Variants in PALD1 observed in about 807,000 individuals in gnomAD.
PALD1 encodes the protein paladin.
A neutral mutation model predicts 96.0 loss-of-function variants in PALD1; 57 were observed. The ratio of observed to expected loss-of-function variants is 0.59; its 90% CI spans 0.48 to 0.74. PALD1 has a LOEUF of 0.74. PALD1 is among the 30% of genes least tolerant of loss of function. The pLI, the probability that PALD1 is intolerant of heterozygous loss-of-function variation, is 0.00. For synonymous variants in PALD1, 464 were observed against 473.6 expected (o/e 0.98, Z 0.26); for missense variants, 1,063 against 1,143.7 (o/e 0.93, Z 1.02).
intron 1 of PALD1, among the ~76,000 whole-genome samples, chr10:70,506,319 T>C (rs10762388): frequency 0.51 from 78,064 of 151,990 alleles, 20,911 homozygotes; most frequent in East Asian, 0.66. Context: ...TTCACCCCCT[T>C]CATGGCTTTT....
At chr10:70,541,572 A>G (rs1350868957) in intron 17 of PALD1, 38 bp downstream of exon 17, 23 of 1,516,558 alleles carry the variant, frequency 1.5e-5, no homozygotes, top group Non-Finnish European at 2.0e-5. Flanking sequence ...GCACCTTGGG[A>G]TGGGAGGAGG....
chr10:70,562,566 T>C (rs945794452), intron 18 of PALD1, among the ~76,000 whole-genome samples: 1 of 152,198 alleles, frequency 6.6e-6, no homozygotes, highest in Non-Finnish European at 1.5e-5. Flanking sequence ...GAGCAGCCCT[T>C]TCCGGCTCCC....
intron 1 of PALD1, among the ~76,000 whole-genome samples, chr10:70,514,131 G>A (rs370282497): frequency 2.0e-5 from 3 of 152,186 alleles, no homozygotes; most frequent in East Asian, 1.9e-4. Context: ...CGGGCCGTCC[G>A]GTCATTCTGT....
chr10:70,492,236 T>C (rs1846110587), intron 1 of PALD1, among the ~76,000 whole-genome samples: 1 of 152,130 alleles, frequency 6.6e-6, no homozygotes, highest in African/African-American at 2.4e-5. Context: ...CATTAAGTCA[T>C]ATACAGACGG....
At chr10:70,565,118 C>T (rs1847817807) in intron 19 of PALD1, among the ~76,000 whole-genome samples, 1 of 152,216 alleles carries the variant, frequency 6.6e-6, no homozygotes, top group Non-Finnish European at 1.5e-5. Context: ...CTGTACTAGG[C>T]AGGTCTAGCA....
chr10:70,478,269 G>C (rs921315794), upstream of PALD1, among the ~76,000 whole-genome samples: 1 of 152,214 alleles, frequency 6.6e-6, no homozygotes, highest in Non-Finnish European at 1.5e-5. Context: ...CAAAAGTGCA[G>C]AGCGCACCAT....
chr10:70,541,627 C>T, intron 17 of PALD1, 93 bp downstream of exon 17: 1 of 870,296 alleles, frequency 1.1e-6, no homozygotes. Context: ...AAAGCACGTC[C>T]CAATGCAGTC....
At chr10:70,478,704 C>G (rs1304133261), upstream of PALD1, 1 of 151,950 alleles carries the variant, frequency 6.6e-6, no homozygotes, top group East Asian at 1.9e-4. Context: ...GCGGTGGGGC[C>G]GGGACTCGCG....
chr10:70,518,926 A>C (rs912602935), intron 1 of PALD1, among the ~76,000 whole-genome samples: 4 of 152,152 alleles, frequency 2.6e-5, no homozygotes, highest in South Asian at 2.1e-4. Flanking sequence ...TGTTCACAAC[A>C]CAGTCTTCCT....
the PALD1 span, among the ~76,000 whole-genome samples, chr10:70,468,410 ATT>A: frequency 6.6e-6 from 1 of 151,764 alleles, no homozygotes; most frequent in Admixed American, 6.6e-5. Context: ...TGCCCAGCTA[ATT>A]TTTGTATTTT....
rs560516975 is a variant in PALD1, at chr10:70,540,338, G to A, written c.1908+576G>A. Among the ~76,000 whole-genome samples, 1 of 151,816 alleles carries A rather than the reference G, an allele frequency of 6.6e-6. No individual in the cohort carries two copies. Among genetic ancestry groups the A allele is most frequent in the East Asian group, 1.9e-4 (1 of 5,168 alleles). On this transcript the variant is annotated intron_variant, in intron 15 of 19. Transcript: ENST00000263563. This position sits in a 1 kb window ranked among gnomAD's most constrained non-coding sequence, Gnocchi z 4.2. ...GGAGTTTGTGATGTCTCCCTTGTCT[G>A]TATTGGGGGCTGTGTGTGGAAAACC... is the stretch of plus-strand genomic sequence containing the variant.
At position 70,568,044 on chromosome 10, in the gene PALD1, A is replaced by T. The variant is rs1847886462; in HGVS notation, c.*1311A>T. ...ATTGGTCATGATATTTGAAAAGGGG[A>T]GGAGGCCGAAGTTGTTCCCATTTAT... On this transcript the variant is annotated 3_prime_UTR_variant, in exon 20 of 20. Transcript: ENST00000263563. 1 of 151,712 alleles carries T rather than the reference A, an allele frequency of 6.6e-6. No individual in the cohort carries two copies. The highest frequency in any genetic ancestry group is 2.4e-5 in the African/African-American group (1 of 41,278). The allele number at this position is 151,712 out of a possible 1,614,324, so 9.4% of individuals were successfully genotyped here. A position where few individuals can be genotyped will look rare whatever the true frequency, so the allele number is the denominator to read the frequency against.
chr10:70,532,870 G>A lies in PALD1; in HGVS notation c.794+89G>A, dbSNP rs1444579090. On this transcript the variant is annotated intron_variant, in intron 6 of 19. Coordinates refer to ENST00000263563, the MANE Select transcript of PALD1 (RefSeq NM_014431.3). The stretch of plus-strand genomic sequence containing the variant: ...CTCAGTTTCACCATCTGCAGGTTGG[G>A]CGGAGTCCCCCACACCCATGTCTCC... 5.2e-6 allele frequency: 8 copies of A among 1,540,412 alleles called. No homozygotes were observed. In the Admixed American group the frequency reaches 1.2e-4, roughly 23 times the overall value.
chr10:70,538,876 G>A lies in PALD1; in HGVS notation c.1453-16G>A, dbSNP rs1169994222. 5 of 1,604,610 alleles carry A rather than the reference G, an allele frequency of 3.1e-6. No individual in the cohort carries two copies. The highest frequency in any genetic ancestry group is 2.2e-5 in the East Asian group (1 of 44,826). On this transcript the variant is annotated splice_polypyrimidine_tract_variant and intron_variant, in intron 12 of 19. Coordinates refer to ENST00000263563, the MANE Select transcript of PALD1 (RefSeq NM_014431.3). Reference sequence around the variant, plus strand: ...GTCGGCTGCTGTGGGTCCCAGGCTTGGTGCTCTCCCCACAGCGGGAGGACG... The same window carrying A: ...GTCGGCTGCTGTGGGTCCCAGGCTTAGTGCTCTCCCCACAGCGGGAGGACG...
At chr10:70,558,689 TTGTA>T (rs1174339073) in intron 18 of PALD1, among the ~76,000 whole-genome samples, 1 of 126,422 alleles carries the variant, frequency 7.9e-6, no homozygotes, top group Non-Finnish European at 1.8e-5. Flanking sequence ...TAGCAAATTC[TTGTA>T]AGAATTTGCT....
At chr10:70,534,348 A>G (rs2132378924) in intron 8 of PALD1, 77 bp from the exon 9 acceptor site, 1 of 989,632 alleles carries the variant, frequency 1.0e-6, no homozygotes, top group Non-Finnish European at 1.6e-6. Flanking sequence ...CAGCGGCCAT[A>G]TGAGTGGAGA....
the PALD1 span, among the ~76,000 whole-genome samples, chr10:70,462,036 G>A: frequency 2.4e-4 from 37 of 152,170 alleles, no homozygotes; most frequent in South Asian, 3.7e-3. Context: ...TGAGCGATCC[G>A]CCCACCTCAG....
the PALD1 span, among the ~76,000 whole-genome samples, chr10:70,473,482 C>A: frequency 6.6e-6 from 1 of 152,198 alleles, no homozygotes; most frequent in Admixed American, 6.5e-5. Flanking sequence ...CCTGCAGGGA[C>A]CAGAAGAAAT....
chr10:70,532,804 C>A (rs760602665), intron 6 of PALD1, 23 bp downstream of exon 6: 2 of 1,612,590 alleles, frequency 1.2e-6, no homozygotes, highest in South Asian at 2.2e-5. Flanking sequence ...CACCCCCAGC[C>A]CTGGCCATGG....
Sources: allele counts gnomAD v4.1 joint callset (sites outside exome capture counted in the v4.1 genomes callset), GRCh38; gene constraint gnomAD v4.1.1; non-coding constraint Gnocchi (gnomAD v3.1); transcripts MANE v1.5; gene names NCBI Gene and HGNC (gene_info 2026-07-23, HGNC 2026-07-21).